MAPKAPK5: variants seen among roughly 807,000 people sequenced by gnomAD.
MAPKAPK5 encodes MAP kinase-activated protein kinase 5.
In MAPKAPK5, 30 loss-of-function variants were observed where a neutral mutation model predicts 65.1. The ratio of observed to expected loss-of-function variants is 0.46; its 90% CI spans 0.34 to 0.63. The LOEUF (loss-of-function observed/expected upper bound fraction) is 0.63, where lower values mean the gene tolerates loss of function less well. MAPKAPK5 is among the 20% of genes least tolerant of loss of function. The pLI is 0.01. For synonymous variants in MAPKAPK5, 179 were observed against 204.6 expected, an observed-to-expected ratio of 0.87 and a Z score of 1.07; for missense variants, 433 against 581.4, an observed-to-expected ratio of 0.74 and a Z score of 2.63.
At chr12:111,861,960 T>C (rs1409742605) in intron 1 of MAPKAPK5, among the ~76,000 whole-genome samples, 1 of 152,236 alleles carries the variant, frequency 6.6e-6, no homozygotes, top group African/African-American at 2.4e-5. Flanking sequence ...TGTATCCTTG[T>C]TAATTTAAGG....
intron 2 of MAPKAPK5, 92 bp downstream of exon 2, chr12:111,865,415 C>G: frequency 1.2e-6 from 1 of 836,286 alleles, no homozygotes; most frequent in South Asian, 1.5e-5. Flanking sequence ...TTAGACACAT[C>G]AGGTGTGCCA....
chr12:111,847,029 C>T (rs895924842), intron 1 of MAPKAPK5, among the ~76,000 whole-genome samples: 9 of 151,992 alleles, frequency 5.9e-5, no homozygotes, highest in African/African-American at 2.2e-4. Context: ...TCTGTGGGGA[C>T]TACTGTACTC....
chr12:111,893,159 A>G lies in MAPKAPK5; in HGVS notation c.*98A>G, dbSNP rs958591610. On this transcript the variant is annotated 3_prime_UTR_variant, in exon 14 of 14. Transcript: ENST00000550735. ...ATTAATAAATCATAATTTCATTTCCACATTGATTAAAGCTGCTGTATAGAT... is the reference window on the plus strand; with the variant it reads ...ATTAATAAATCATAATTTCATTTCCGCATTGATTAAAGCTGCTGTATAGAT... 1.2e-5 allele frequency: 10 copies of G among 857,956 alleles called. No homozygotes were observed. Among genetic ancestry groups the G allele is most frequent in the Non-Finnish European group, 5.2e-6 (3 of 575,160 alleles). The allele number at this position is 857,956 out of a possible 1,614,324, so 53.1% of individuals were successfully genotyped here.
At chr12:111,853,576 C>G (rs937099139) in intron 1 of MAPKAPK5, among the ~76,000 whole-genome samples, 3 of 151,914 alleles carry the variant, frequency 2.0e-5, no homozygotes, top group Admixed American at 1.3e-4. Context: ...TCTCTGTTGC[C>G]CAGGCTGGAG....
chr12:111,877,371 T>C (rs2070027748), intron 7 of MAPKAPK5, among the ~76,000 whole-genome samples: 1 of 152,172 alleles, frequency 6.6e-6, no homozygotes, highest in African/African-American at 2.4e-5. Flanking sequence ...ATTTGCTTAT[T>C]TTTTTAATGC....
chr12:111,847,111 G>C (rs1436653223), intron 1 of MAPKAPK5, among the ~76,000 whole-genome samples: 1 of 151,996 alleles, frequency 6.6e-6, no homozygotes, highest in African/African-American at 2.4e-5. Context: ...GGAGGCTGAG[G>C]TGGGTAGATC....
At position 111,893,303 on chromosome 12, in the gene MAPKAPK5, T is replaced by A. The variant is rs2070690449; in HGVS notation, c.*242T>A. 1 of 207,816 alleles carries A rather than the reference T, an allele frequency of 4.8e-6. No homozygotes were observed. The highest frequency in any genetic ancestry group is 9.6e-6 in the Non-Finnish European group (1 of 103,872). 12.9% of individuals were successfully genotyped at this position (207,816 alleles called of 1,614,324 possible). The stretch of plus-strand genomic sequence containing the variant: ...TGTATATTTGTAAGATGACAGATGA[T>A]GCTGTCAAGCAATATTGTTTTATTT... On this transcript the variant is annotated 3_prime_UTR_variant, in exon 14 of 14. Transcript: ENST00000550735.
intron 1 of MAPKAPK5, among the ~76,000 whole-genome samples, chr12:111,863,659 T>G (rs1300890671): frequency 6.7e-6 from 1 of 150,288 alleles, no homozygotes; most frequent in African/African-American, 2.4e-5. Context: ...CATGCTGGAG[T>G]GCAATGGCGT....
chr12:111,900,822 T>A lies in MAPKAPK5; in HGVS notation c.*7761T>A, dbSNP rs1272750523. 4 of 455,974 alleles carry A rather than the reference T, an allele frequency of 8.8e-6. No homozygotes were observed. Among genetic ancestry groups the A allele is most frequent in the Non-Finnish European group, 1.8e-5 (4 of 226,820 alleles). The allele number at this position is 455,974 out of a possible 1,614,324, so 28.2% of individuals were successfully genotyped here. ...CAACAACAGGCATAAGCAAGATGGC[T>A]CAAAATGTCATACAATTTACGAGTG... On this transcript the variant is annotated 3_prime_UTR_variant, in exon 14 of 14. Transcript: ENST00000550735.
chr12:111,882,678 TTTC>T (rs2070276589), intron 8 of MAPKAPK5: 1 of 336,096 alleles, frequency 3.0e-6, no homozygotes, highest in Admixed American at 6.5e-5. Context: ...TGGTAGCAGT[TTTC>T]TTTTTTTCAC....
At chr12:111,858,784 G>A (rs1046605220) in intron 1 of MAPKAPK5, among the ~76,000 whole-genome samples, 5 of 145,806 alleles carry the variant, frequency 3.4e-5, no homozygotes, top group South Asian at 4.5e-4. Context: ...CTCATGATCC[G>A]CCCGCCTTGG....
chr12:111,899,969 G>A lies in MAPKAPK5; in HGVS notation c.*6908G>A. 2.2e-6 allele frequency: 1 copy of A among 456,110 alleles called. No individual in the cohort carries two copies. Among genetic ancestry groups the A allele is most frequent in the Non-Finnish European group, 4.4e-6 (1 of 226,812 alleles). 28.3% of individuals were successfully genotyped at this position (456,110 alleles called of 1,614,324 possible). On this transcript the variant is annotated 3_prime_UTR_variant, in exon 14 of 14. Coordinates refer to ENST00000550735, the MANE Select transcript of MAPKAPK5 (RefSeq NM_003668.4). ...GGTCACACAAAAAGTACGTGGAGAT[G>A]TTTGTCGTGGTCAACAACCAGCGGT... is the stretch of plus-strand genomic sequence containing the variant.
intron 7 of MAPKAPK5, among the ~76,000 whole-genome samples, chr12:111,873,639 G>T (rs1225509326): frequency 6.6e-6 from 1 of 152,122 alleles, no homozygotes; most frequent in Non-Finnish European, 1.5e-5. Context: ...CACTGCGCCT[G>T]GCCTGAATTG....
chr12:111,874,527 A>G (rs1276045665), intron 7 of MAPKAPK5, among the ~76,000 whole-genome samples: 2 of 139,404 alleles, frequency 1.4e-5, no homozygotes, highest in African/African-American at 5.5e-5. Flanking sequence ...GCTGGAGTGC[A>G]GTGGCGCAAT....
chr12:111,883,619 G>A lies in MAPKAPK5; in HGVS notation c.699G>A (p.Val233=), dbSNP rs752906653. ...DLWSLGVIIY[V]MLCGYPPFYS... is the part of the protein sequence containing the mutation. ...GGTCCCTAGGGGTGATTATCTATGT[G>A]ATGCTGTGCGGATACCCTCCTTTTT... Residue 233 remains valine, a synonymous_variant, in exon 9 of 14, where the codon GTG becomes GTA. Coordinates refer to ENST00000550735, the MANE Select transcript of MAPKAPK5 (RefSeq NM_003668.4). The surrounding 1 kb of genome is among the most constrained non-coding windows in gnomAD (Gnocchi z 4.8). The A allele has an allele frequency of 1.2e-6, 2 of 1,613,898 alleles. No individual in the cohort carries two copies. The highest frequency in any genetic ancestry group is 1.7e-5 in the Admixed American group (1 of 60,014).
chr12:111,876,804 C>G (rs2069990433), intron 7 of MAPKAPK5, among the ~76,000 whole-genome samples: 1 of 151,662 alleles, frequency 6.6e-6, no homozygotes, highest in Non-Finnish European at 1.5e-5. Flanking sequence ...GATATATACT[C>G]AATAGTGGCA....
rs1482532379 is a variant in MAPKAPK5, at chr12:111,901,027, T to A, written c.*7966T>A. 2 of 456,036 alleles carry A rather than the reference T, an allele frequency of 4.4e-6. No individual in the cohort carries two copies. The highest frequency in any genetic ancestry group is 1.4e-4 in the East Asian group (2 of 14,402). The allele number at this position is 456,036 out of a possible 1,614,324, so 28.2% of individuals were successfully genotyped here. A position where few individuals can be genotyped will look rare whatever the true frequency, so the allele number is the denominator to read the frequency against. ...GTTCGGTGTTCAGATGGTAATATAT[T>A]TTGTGGGAAACTTATATGTTCAGGT... On this transcript the variant is annotated 3_prime_UTR_variant, in exon 14 of 14. Coordinates refer to ENST00000550735, the MANE Select transcript of MAPKAPK5 (RefSeq NM_003668.4).
rs976005926 is a variant in MAPKAPK5 at position 111,901,157 on chromosome 12, T to C, written c.*8096T>C. 8 of 455,938 alleles carry C rather than the reference T, an allele frequency of 1.8e-5. No homozygotes were observed. Among genetic ancestry groups the C allele is most frequent in the African/African-American group, 1.6e-4 (8 of 50,046 alleles). 28.2% of individuals were successfully genotyped at this position (455,938 alleles called of 1,614,324 possible). On this transcript the variant is annotated 3_prime_UTR_variant, in exon 14 of 14. Transcript: ENST00000550735. The stretch of plus-strand genomic sequence containing the variant: ...ATGCCTATATGAGTACTGACATTCC[T>C]GATGAAGGAGATGTGCACAATGGCA...
Position 111,883,986 on chromosome 12 carries a change from C to T in MAPKAPK5, c.848+218C>T, listed in dbSNP as rs1391868146. On this transcript the variant is annotated intron_variant, in intron 9 of 13. Coordinates refer to ENST00000550735, the MANE Select transcript of MAPKAPK5 (RefSeq NM_003668.4). This position sits in a 1 kb window ranked among gnomAD's most constrained non-coding sequence, Gnocchi z 4.8. ...CTCCTGTTGCATCCCTAGACTTTGTCCCCAGGGTGTGAACCCAGGTCCCTC... is the reference window on the plus strand; with the variant it reads ...CTCCTGTTGCATCCCTAGACTTTGTTCCCAGGGTGTGAACCCAGGTCCCTC... Among the ~76,000 whole-genome samples, 6 of 152,324 alleles carry T rather than the reference C, an allele frequency of 3.9e-5. No homozygotes were observed. In the Middle Eastern group the frequency reaches 0.017, roughly 432 times the overall value.
Sources: allele counts gnomAD v4.1 joint callset (sites outside exome capture counted in the v4.1 genomes callset), GRCh38; gene constraint gnomAD v4.1.1; non-coding constraint Gnocchi (gnomAD v3.1); transcripts MANE v1.5; gene names NCBI Gene and HGNC (gene_info 2026-07-23, HGNC 2026-07-21).